MED27: variants seen among roughly 807,000 people sequenced by gnomAD.
MED27 encodes mediator complex subunit 27, also known as mediator of RNA polymerase II transcription subunit 27.
In MED27, 30 loss-of-function variants were observed where a neutral mutation model predicts 38.2. The observed-to-expected ratio is 0.79, with a 90% CI of 0.59 to 1.07. The LOEUF is 1.07. Among genes scored for constraint, MED27 ranks in the 50% least tolerant of loss-of-function variants. The pLI, the probability that MED27 is intolerant of heterozygous loss-of-function variation, is 0.00. For missense variants in MED27, 289 were observed against 397.5 expected (o/e 0.73, Z 2.32); for synonymous variants, 122 against 153.5 (o/e 0.79, Z 1.52).
intron 4 of MED27, among the ~76,000 whole-genome samples, chr9:131,910,793 C>T (rs1830173743): frequency 6.6e-6 from 1 of 152,218 alleles, no homozygotes; most frequent in African/African-American, 2.4e-5. Context: ...AAAGGACAAG[C>T]TGCTGCCTTG....
Position 131,860,817 on chromosome 9 carries a change from C to G in MED27, c.802-145G>C. 6.7e-6 allele frequency: 6 copies of G among 892,922 alleles called. No homozygotes were observed. Among genetic ancestry groups the G allele is most frequent in the South Asian group, 1.7e-5 (1 of 58,926 alleles). 55.3% of individuals were successfully genotyped at this position (892,922 alleles called of 1,614,324 possible). A position where few individuals can be genotyped will look rare whatever the true frequency, so the allele number is the denominator to read the frequency against. ...CTGTGATTTCACAGGGAGCAGCAGG[C>G]GGAACCCACAAGGTCACCTGACTGC... On this transcript the variant is annotated intron_variant, in intron 7 of 7. Coordinates refer to ENST00000292035, the MANE Select transcript of MED27 (RefSeq NM_004269.4). The surrounding 1 kb of genome is among the most constrained non-coding windows in gnomAD (Gnocchi z 5.8).
At chr9:131,954,652 T>G (rs1241129566) in intron 3 of MED27, among the ~76,000 whole-genome samples, 2 of 152,160 alleles carry the variant, frequency 1.3e-5, no homozygotes, top group Admixed American at 1.3e-4. Context: ...TTGACCCCTC[T>G]GCTCATCAAT....
chr9:132,036,949 A>G (rs1053762204), intron 2 of MED27, among the ~76,000 whole-genome samples: 2 of 152,202 alleles, frequency 1.3e-5, no homozygotes, highest in African/African-American at 4.8e-5. Context: ...AAGCAGAGGC[A>G]CTGCCTGTAA....
intron 5 of MED27, among the ~76,000 whole-genome samples, chr9:131,886,007 T>A (rs1021268458): frequency 6.6e-6 from 1 of 152,150 alleles, no homozygotes; most frequent in African/African-American, 2.4e-5. Context: ...TGATTGATTT[T>A]GGAACACCAG....
chr9:132,073,859 G>A lies in MED27; in HGVS notation c.348+3583C>T. 3 of 1,308,046 alleles carry A rather than the reference G, an allele frequency of 2.3e-6. No homozygotes were observed. In the South Asian group the frequency reaches 5.9e-5, roughly 26 times the overall value. 81.0% of individuals were successfully genotyped at this position (1,308,046 alleles called of 1,614,324 possible). On this transcript the variant is annotated intron_variant, in intron 2 of 7. Transcript: ENST00000292035. Reference sequence around the variant, plus strand: ...CACTTCTGGGGTCTTTGCAGCTTCAGATGTTGCCAGGGAAAGGCGGACGTC... The same window carrying A: ...CACTTCTGGGGTCTTTGCAGCTTCAAATGTTGCCAGGGAAAGGCGGACGTC...
At position 131,889,306 on chromosome 9, in the gene MED27, T is replaced by A. The variant is rs2131495832; in HGVS notation, c.681+4579A>T. ...TTATGCTCGGAGGCTAAAAGCTGCC[T>A]TTTTTATTGATATGGGGTAATTAAT... On this transcript the variant is annotated intron_variant, in intron 5 of 7. Transcript: ENST00000292035. This position sits in a 1 kb window ranked among gnomAD's most constrained non-coding sequence, Gnocchi z 4.2. Among the ~76,000 whole-genome samples, 2 of 152,346 alleles carry A rather than the reference T, an allele frequency of 1.3e-5. 1 individual carries two copies. The highest frequency in any genetic ancestry group is 4.1e-4 in the South Asian group (2 of 4,830).
chr9:131,996,530 A>G (rs1029877863), intron 3 of MED27, among the ~76,000 whole-genome samples: 1 of 152,126 alleles, frequency 6.6e-6, no homozygotes, highest in African/African-American at 2.4e-5. Context: ...GCCCCACTGG[A>G]CTCCTGGAGG....
chr9:131,978,459 T>C (rs1831658081), intron 3 of MED27, among the ~76,000 whole-genome samples: 1 of 152,166 alleles, frequency 6.6e-6, no homozygotes, highest in African/African-American at 2.4e-5. Context: ...TTATTTTAGG[T>C]GGGATAATAG....
intron 5 of MED27, 143 bp downstream of exon 5, chr9:131,893,742 G>C (rs1829766827): frequency 1.6e-6 from 1 of 619,110 alleles, no homozygotes; most frequent in Non-Finnish European, 2.9e-6. Flanking sequence ...TTCACAAAGT[G>C]TGCATCCTCA....
At chr9:132,070,868 A>C (rs1226071731) in intron 2 of MED27, among the ~76,000 whole-genome samples, 1 of 146,844 alleles carries the variant, frequency 6.8e-6, no homozygotes, top group African/African-American at 2.5e-5. Flanking sequence ...CCCCCCACAC[A>C]CTAATTCATA....
intron 6 of MED27, chr9:131,869,258 G>T: frequency 1.0e-6 from 1 of 985,438 alleles, no homozygotes; most frequent in Non-Finnish European, 1.2e-6. Context: ...GTGGAGCACA[G>T]GAGAACTTCA....
At chr9:132,029,758 T>C (rs940442405) in intron 2 of MED27, among the ~76,000 whole-genome samples, 3 of 151,926 alleles carry the variant, frequency 2.0e-5, no homozygotes, top group African/African-American at 4.8e-5. Context: ...CTTTCTATGA[T>C]TAAGCACAGA....
At chr9:132,070,277 C>T (rs1378666459) in intron 2 of MED27, among the ~76,000 whole-genome samples, 2 of 152,194 alleles carry the variant, frequency 1.3e-5, no homozygotes, top group Admixed American at 1.3e-4. Flanking sequence ...CAGGGCTTGC[C>T]GAGCATGGTG....
intron 2 of MED27, among the ~76,000 whole-genome samples, chr9:132,055,312 T>C (rs564008128): frequency 6.6e-6 from 1 of 152,272 alleles, no homozygotes; most frequent in South Asian, 2.1e-4. Flanking sequence ...CCAGACTGAA[T>C]CTATAAGGAA....
chr9:131,953,155 C>T (rs540890641), intron 3 of MED27, among the ~76,000 whole-genome samples: 30 of 152,302 alleles, frequency 2.0e-4, no homozygotes, highest in African/African-American at 6.5e-4. Flanking sequence ...ACTGTGGATG[C>T]GGCTAGTTTA....
intron 4 of MED27, among the ~76,000 whole-genome samples, chr9:131,911,558 G>A (rs1473619431): frequency 1.3e-5 from 2 of 152,212 alleles, no homozygotes; most frequent in Non-Finnish European, 2.9e-5. Flanking sequence ...TCGTGGCAAG[G>A]CAGTAGATAT....
chr9:131,980,211 G>A (rs1012188664), intron 3 of MED27, among the ~76,000 whole-genome samples: 3 of 151,158 alleles, frequency 2.0e-5, no homozygotes, highest in Admixed American at 6.6e-5. Context: ...GGCGGGTGGC[G>A]GGGGGGAGAG....
intron 3 of MED27, among the ~76,000 whole-genome samples, chr9:131,991,074 A>G (rs1485724391): frequency 6.6e-6 from 1 of 152,162 alleles, no homozygotes; most frequent in Non-Finnish European, 1.5e-5. Context: ...CTAAAACAAG[A>G]GCCTGTTTTC....
chr9:131,903,052 C>T (rs1829982061), intron 4 of MED27, among the ~76,000 whole-genome samples: 1 of 151,008 alleles, frequency 6.6e-6, no homozygotes, highest in African/African-American at 2.5e-5. Flanking sequence ...CACATCTGAA[C>T]CATGAGAGTG....
Sources: gnomAD v4.1 joint callset for allele counts (sites outside exome capture counted in the v4.1 genomes callset) on GRCh38, gnomAD v4.1.1 for gene constraint, Gnocchi (gnomAD v3.1) non-coding constraint, MANE v1.5 for transcripts, NCBI Gene and HGNC (gene_info 2026-07-23, HGNC 2026-07-21) for gene names.